Variants in CAST observed in about 807,000 individuals in gnomAD.
CAST encodes calpastatin, also known as MIR583 host.
CAST carries 76 observed loss-of-function variants against 119.6 expected under a neutral mutation model. The observed-to-expected ratio is 0.64, with a 90% confidence interval of 0.53 to 0.77. The LOEUF is 0.77. Ranked by LOEUF, CAST falls within the 30% of genes least tolerant of loss-of-function variation. The probability of loss-of-function intolerance (pLI) is 0.00; values close to 1 mark genes in which losing one functional copy is unlikely to be tolerated. For missense variants in CAST, 953 were observed against 946.5 expected, an observed-to-expected ratio of 1.01 and a Z score of -0.09; for synonymous variants, 319 against 331.6, an observed-to-expected ratio of 0.96 and a Z score of 0.41.
chr5:96,555,824 G>A (rs1746227920), intron 1 of CAST, among the ~76,000 whole-genome samples: 1 of 152,236 alleles, frequency 6.6e-6, no homozygotes, highest in Non-Finnish European at 1.5e-5. Context: ...ACAAAAGGCA[G>A]CAGAAACCTC....
At chr5:96,432,964 C>T in the CAST span, 2 of 1,614,278 alleles carry the variant, frequency 1.2e-6, no homozygotes, top group South Asian at 1.1e-5. Flanking sequence ...TGCCTTTTCG[C>T]TTTTGCACTG....
At chr5:96,285,562 A>C in the CAST span, among the ~76,000 whole-genome samples, 1 of 152,310 alleles carries the variant, frequency 6.6e-6, no homozygotes, top group South Asian at 2.1e-4. Context: ...TATTGGCATG[A>C]AGCTGCTGAG....
chr5:96,123,601 T>G, the CAST span, among the ~76,000 whole-genome samples: 1 of 152,166 alleles, frequency 6.6e-6, no homozygotes, highest in Non-Finnish European at 1.5e-5. Context: ...TGAGGATTGT[T>G]TGCTTGATAG....
the CAST span, among the ~76,000 whole-genome samples, chr5:96,310,403 A>G: frequency 4.6e-5 from 7 of 152,126 alleles, no homozygotes; most frequent in Non-Finnish European, 8.8e-5. Flanking sequence ...TTTTCTTATG[A>G]TGTCTTTGTC....
At chr5:96,387,441 C>T in the CAST span, among the ~76,000 whole-genome samples, 1 of 152,188 alleles carries the variant, frequency 6.6e-6, no homozygotes, top group Admixed American at 6.5e-5. Flanking sequence ...ACCTCTGAGA[C>T]ACCTGATGGG....
At chr5:96,751,530 A>T (rs1028604113) in intron 20 of CAST, among the ~76,000 whole-genome samples, 1 of 152,188 alleles carries the variant, frequency 6.6e-6, no homozygotes, top group Non-Finnish European at 1.5e-5. Flanking sequence ...GCTGTCTTCA[A>T]GACTAGTGTG....
chr5:96,577,529 T>C (rs1224924864), intron 1 of CAST, among the ~76,000 whole-genome samples: 1 of 152,102 alleles, frequency 6.6e-6, no homozygotes, highest in Non-Finnish European at 1.5e-5. Flanking sequence ...TGCCATAAAT[T>C]TCCCTCTCAG....
intron 1 of CAST, among the ~76,000 whole-genome samples, chr5:96,585,854 C>T (rs1746850525): frequency 6.6e-6 from 1 of 152,176 alleles, no homozygotes; most frequent in African/African-American, 2.4e-5. Context: ...CAAATTTTCT[C>T]GTCTTTGGTG....
the CAST span, among the ~76,000 whole-genome samples, chr5:96,241,232 T>G: frequency 8.9e-6 from 1 of 112,916 alleles, no homozygotes; most frequent in African/African-American, 3.5e-5. Context: ...CCCACAACAG[T>G]CCCCAGAGTG....
At chr5:96,678,711 G>A (rs1257330962) in intron 2 of CAST, among the ~76,000 whole-genome samples, 1 of 151,960 alleles carries the variant, frequency 6.6e-6, no homozygotes, top group Non-Finnish European at 1.5e-5. Flanking sequence ...GTCTGGCAAG[G>A]TGGCGCGCAC....
the CAST span, among the ~76,000 whole-genome samples, chr5:96,179,475 A>G: frequency 1.3e-5 from 2 of 152,198 alleles, no homozygotes; most frequent in Non-Finnish European, 2.9e-5. Context: ...CCTTGTTTTG[A>G]CCACTGTGCT....
the CAST span, among the ~76,000 whole-genome samples, chr5:96,345,781 G>A: frequency 5.2e-4 from 79 of 152,306 alleles, no homozygotes; most frequent in Admixed American, 2.9e-3. Flanking sequence ...GCTGTTGCTG[G>A]AGGCTTCCCT....
At chr5:96,582,332 A>G (rs748286942) in intron 1 of CAST, among the ~76,000 whole-genome samples, 3 of 152,246 alleles carry the variant, frequency 2.0e-5, no homozygotes, top group African/African-American at 4.8e-5. Context: ...TATTTCATTT[A>G]GATACATAAT....
intron 1 of CAST, among the ~76,000 whole-genome samples, chr5:96,534,794 AAAGAAAG>A (rs1268480889): frequency 2.1e-4 from 27 of 126,334 alleles, no homozygotes; most frequent in African/African-American, 3.3e-4. Context: ...AGAAAGAAAG[AAAGAAAG>A]AAGAAAGAAA....
chr5:96,370,512 C>T, the CAST span, among the ~76,000 whole-genome samples: 1 of 152,146 alleles, frequency 6.6e-6, no homozygotes, highest in East Asian at 1.9e-4. Context: ...CAGGGCCAGA[C>T]TGGTTCTTTA....
chr5:96,356,806 G>C, the CAST span, among the ~76,000 whole-genome samples: 2 of 152,154 alleles, frequency 1.3e-5, no homozygotes, highest in Non-Finnish European at 2.9e-5. Context: ...GATTGTCTTG[G>C]CTATGCAGGC....
At chr5:96,415,596 TTAATA>T in the CAST span, among the ~76,000 whole-genome samples, 1 of 152,208 alleles carries the variant, frequency 6.6e-6, no homozygotes, top group African/African-American at 2.4e-5. Flanking sequence ...ATTTGGCTAT[TTAATA>T]TAATAAGTAT....
intron 1 of CAST, among the ~76,000 whole-genome samples, chr5:96,554,877 T>G (rs1024714158): frequency 6.6e-6 from 1 of 152,048 alleles, no homozygotes; most frequent in Non-Finnish European, 1.5e-5. Flanking sequence ...CAGTTAGAAT[T>G]GGGATCATTA....
chr5:96,114,733 G>C, the CAST span, among the ~76,000 whole-genome samples: 1 of 152,290 alleles, frequency 6.6e-6, no homozygotes, highest in East Asian at 1.9e-4. Context: ...AAGCGTAATG[G>C]AGTTGCCTGT....
Sources: gnomAD v4.1 joint callset for allele counts (sites outside exome capture counted in the v4.1 genomes callset) on GRCh38, gnomAD v4.1.1 for gene constraint, MANE v1.5 for transcripts, NCBI Gene and HGNC (gene_info 2026-07-23, HGNC 2026-07-21) for gene names.